ALOX5AP: variants seen among roughly 807,000 people sequenced by gnomAD.
The protein encoded by ALOX5AP is arachidonate 5-lipoxygenase-activating protein.
A neutral mutation model predicts 18.5 loss-of-function variants in ALOX5AP; 9 were observed. That is an observed-to-expected ratio of 0.49 (90% CI 0.29 to 0.85). The LOEUF (loss-of-function observed/expected upper bound fraction) is 0.85. Among genes scored for constraint, ALOX5AP ranks in the 40% least tolerant of loss-of-function variants. The pLI, the probability that ALOX5AP is intolerant of heterozygous loss-of-function variation, is 0.08. For synonymous variants in ALOX5AP, 81 were observed against 78.6 expected, an observed-to-expected ratio of 1.03 and a Z score of -0.16; for missense variants, 172 against 202.5, an observed-to-expected ratio of 0.85 and a Z score of 0.91.
intron 1 of ALOX5AP, among the ~76,000 whole-genome samples, chr13:30,736,871 C>T (rs1951726124): frequency 6.6e-6 from 1 of 152,256 alleles, no homozygotes. Context: ...TATGATTTCA[C>T]ACAGGGCTCC....
chr13:30,752,573 A>T (rs1951861255), intron 3 of ALOX5AP, among the ~76,000 whole-genome samples: 1 of 152,234 alleles, frequency 6.6e-6, no homozygotes, highest in Admixed American at 6.5e-5. Flanking sequence ...GCCTTCCCAC[A>T]GTTATCAGCA....
rs751354742 is a variant in ALOX5AP, at chr13:30,764,020, T to A, written c.400T>A (p.Tyr134Asn). The A allele has an allele frequency of 1.9e-6, 3 of 1,614,054 alleles. No homozygotes were observed. The highest frequency in any genetic ancestry group is 2.5e-6 in the Non-Finnish European group (3 of 1,180,012). ...LMSVAGIFNY[Y>N]LIFFFGSDFE... ...GTCCGTTGCTGGCATATTCAACTATTACCTCATCTTCTTTTTCGGAAGTGA... is the reference window on the plus strand; with the variant it reads ...GTCCGTTGCTGGCATATTCAACTATAACCTCATCTTCTTTTTCGGAAGTGA... Residue 134 changes from tyrosine (Y) to asparagine (N), a missense_variant, in exon 5 of 5, where the codon TAC (tyrosine) becomes AAC (asparagine). Transcript: ENST00000380490.
At chr13:30,762,809 T>C (rs1951953081) in intron 4 of ALOX5AP, among the ~76,000 whole-genome samples, 5 of 152,150 alleles carry the variant, frequency 3.3e-5, no homozygotes, top group Middle Eastern at 3.4e-3. Context: ...CTTCCCAGGA[T>C]CTTTACTAAC....
intron 1 of ALOX5AP, among the ~76,000 whole-genome samples, chr13:30,743,307 T>C (rs1951782428): frequency 6.6e-6 from 1 of 152,084 alleles, no homozygotes; most frequent in Non-Finnish European, 1.5e-5. Context: ...ATTTATGTAT[T>C]TTGCTTAATG....
intron 1 of ALOX5AP, among the ~76,000 whole-genome samples, chr13:30,729,906 C>T (rs550345850): frequency 4.0e-5 from 6 of 151,530 alleles, no homozygotes; most frequent in Non-Finnish European, 7.4e-5. Context: ...CAACACACTA[C>T]GTGATGTTTT....
intron 1 of ALOX5AP, among the ~76,000 whole-genome samples, chr13:30,738,584 G>C (rs1951738562): frequency 6.6e-6 from 1 of 152,210 alleles, no homozygotes; most frequent in Admixed American, 6.5e-5. Context: ...AGCAGGCAGA[G>C]AGCCTCCAAC....
At chr13:30,720,417 C>T (rs1029920239) in intron 1 of ALOX5AP, among the ~76,000 whole-genome samples, 11 of 152,164 alleles carry the variant, frequency 7.2e-5, no homozygotes, top group Non-Finnish European at 1.3e-4. Flanking sequence ...TTTAAATAGA[C>T]TTAATACAAC....
chr13:30,715,116 A>G (rs1951539746), intron 1 of ALOX5AP, among the ~76,000 whole-genome samples: 1 of 152,162 alleles, frequency 6.6e-6, no homozygotes, highest in South Asian at 2.1e-4. Flanking sequence ...CTGGTCATTC[A>G]GAAACAATTG....
rs1951632491 is a variant in ALOX5AP at position 30,725,493 on chromosome 13, A to G, written c.117-10058A>G. Among the ~76,000 whole-genome samples, 6 of 152,364 alleles carry G rather than the reference A, an allele frequency of 3.9e-5. No individual in the cohort carries two copies. In the South Asian group the frequency reaches 1.2e-3, roughly 32 times the overall value. On this transcript the variant is annotated intron_variant, in intron 1 of 5. Transcript: ENST00000617770. Reference sequence around the variant, plus strand: ...ACAGCAACATGAATTTCCACTCATCAAGGCCAATTTGGCTCCAGCCATTGC... The same window carrying G: ...ACAGCAACATGAATTTCCACTCATCGAGGCCAATTTGGCTCCAGCCATTGC...
intron 4 of ALOX5AP, among the ~76,000 whole-genome samples, chr13:30,757,231 G>T (rs1407346135): frequency 3.3e-5 from 5 of 152,078 alleles, no homozygotes. Context: ...AGTGATAAAG[G>T]CAGTGACATC....
intron 1 of ALOX5AP, among the ~76,000 whole-genome samples, chr13:30,723,331 T>G (rs2137789980): frequency 6.6e-6 from 1 of 152,358 alleles, no homozygotes; most frequent in Middle Eastern, 3.4e-3. Flanking sequence ...GATGTCCAGT[T>G]GTTCCAGCAC....
intron 2 of ALOX5AP, among the ~76,000 whole-genome samples, chr13:30,749,392 C>G (rs1455889434): frequency 6.6e-6 from 1 of 152,110 alleles, no homozygotes; most frequent in Non-Finnish European, 1.5e-5. Context: ...ATAAGAGCAC[C>G]AGATATTTTA....
At chr13:30,717,222 C>A (rs902142059) in intron 1 of ALOX5AP, among the ~76,000 whole-genome samples, 3 of 152,214 alleles carry the variant, frequency 2.0e-5, no homozygotes, top group African/African-American at 7.2e-5. Flanking sequence ...AGAAGCCAGA[C>A]CTCTTTTTGG....
intron 2 of ALOX5AP, among the ~76,000 whole-genome samples, chr13:30,750,217 T>C (rs1178132932): frequency 6.6e-6 from 1 of 152,178 alleles, no homozygotes; most frequent in Non-Finnish European, 1.5e-5. Flanking sequence ...ACTGTGAGAA[T>C]TCACATGGAC....
At chr13:30,746,319 A>T (rs1951808955) in intron 2 of ALOX5AP, among the ~76,000 whole-genome samples, 1 of 152,216 alleles carries the variant, frequency 6.6e-6, no homozygotes, top group Admixed American at 6.5e-5. Context: ...ATGGGTCTGT[A>T]CACTCAACCT....
intron 1 of ALOX5AP, among the ~76,000 whole-genome samples, chr13:30,741,483 G>A (rs1302380287): frequency 2.3e-4 from 33 of 146,314 alleles, no homozygotes; most frequent in Non-Finnish European, 2.8e-4. Context: ...TGCAACCTCC[G>A]CCTCCTGGGT....
upstream of ALOX5AP, among the ~76,000 whole-genome samples, chr13:30,734,696 C>A (rs972312999): frequency 6.6e-6 from 1 of 152,142 alleles, no homozygotes; most frequent in African/African-American, 2.4e-5. Flanking sequence ...AAGTCAGTTC[C>A]CTTTGGGAAT....
chr13:30,745,618 A>T (rs1951803260), intron 2 of ALOX5AP, among the ~76,000 whole-genome samples: 1 of 152,236 alleles, frequency 6.6e-6, no homozygotes, highest in South Asian at 2.1e-4. Context: ...CCATGTATTA[A>T]TTCTCAGAAT....
intron 4 of ALOX5AP, among the ~76,000 whole-genome samples, chr13:30,759,883 T>G (rs918785926): frequency 1.3e-5 from 2 of 152,218 alleles, no homozygotes; most frequent in Non-Finnish European, 2.9e-5. Flanking sequence ...TGAATCAGAA[T>G]CTCTGCCAGA....
Sources: allele counts gnomAD v4.1 joint callset (sites outside exome capture counted in the v4.1 genomes callset), GRCh38; gene constraint gnomAD v4.1.1; transcripts MANE v1.5; gene names NCBI Gene and HGNC (gene_info 2026-07-23, HGNC 2026-07-21).